The following SPOPL variants were observed in gnomAD, a reference collection of about 807,000 sequenced individuals.
SPOPL encodes the protein speckle type BTB/POZ protein like.
In SPOPL, 23 loss-of-function variants were observed where a neutral mutation model predicts 53.8. The ratio of observed to expected loss-of-function variants is 0.43; its 90% CI spans 0.31 to 0.61. SPOPL has a LOEUF of 0.61. Among genes scored for constraint, SPOPL ranks in the 20% least tolerant of loss-of-function variants. The probability of loss-of-function intolerance (pLI) is 0.12; values close to 1 mark genes in which losing one functional copy is unlikely to be tolerated. For synonymous variants in SPOPL, 164 were observed against 149.7 expected (o/e 1.10, Z -0.70); for missense variants, 442 against 466.9 (o/e 0.95, Z 0.49).
intron 8 of SPOPL, among the ~76,000 whole-genome samples, chr2:138,564,152 T>C (rs978537866): frequency 6.6e-6 from 1 of 152,152 alleles, no homozygotes; most frequent in Non-Finnish European, 1.5e-5. Context: ...TGAGGGACAA[T>C]TGGTATATTT....
At chr2:138,565,150 C>T in intron 10 of SPOPL, 157 bp downstream of exon 10, 2 of 896,342 alleles carry the variant, frequency 2.2e-6, no homozygotes, top group Non-Finnish European at 3.4e-6. Flanking sequence ...TAGTGGATTC[C>T]TGAGGCTATG....
At position 138,570,519 on chromosome 2, in the gene SPOPL, G is replaced by A. The variant is rs1217123761; in HGVS notation, c.*1439G>A. 2.0e-5 allele frequency: 3 copies of A among 152,140 alleles called. No individual in the cohort carries two copies. Among genetic ancestry groups the A allele is most frequent in the Non-Finnish European group, 4.4e-5 (3 of 68,010 alleles). The allele number at this position is 152,140 out of a possible 1,614,324, so 9.4% of individuals were successfully genotyped here. ...TCCTGGAGAAGCAGAAGCAGTCAGT[G>A]TTGGGGTACCACATCTGACTTACTG... is the stretch of plus-strand genomic sequence containing the variant. On this transcript the variant is annotated 3_prime_UTR_variant, in exon 11 of 11. Coordinates refer to ENST00000280098, the MANE Select transcript of SPOPL (RefSeq NM_001001664.3).
At chr2:138,538,624 T>G (rs1037725259) in intron 1 of SPOPL, among the ~76,000 whole-genome samples, 2 of 152,196 alleles carry the variant, frequency 1.3e-5, no homozygotes, top group Admixed American at 6.5e-5. Context: ...CTTTTCACAT[T>G]GCCTATCTGT....
intron 5 of SPOPL, 95 bp from the exon 6 acceptor site, chr2:138,558,927 A>G (rs1442001424): frequency 1.1e-5 from 11 of 1,044,628 alleles, no homozygotes; most frequent in Admixed American, 3.3e-5. Context: ...GAATTATCCA[A>G]ATAAGCTTAA....
chr2:138,505,894 T>C (rs1375059435), intron 1 of SPOPL, among the ~76,000 whole-genome samples: 1 of 152,170 alleles, frequency 6.6e-6, no homozygotes, highest in Non-Finnish European at 1.5e-5. Flanking sequence ...GACAGAAACC[T>C]AAAGGATGAA....
chr2:138,555,131 GGTGTGT>G (rs61000380), intron 5 of SPOPL, among the ~76,000 whole-genome samples: 22,083 of 140,096 alleles, frequency 0.16, 1,922 homozygotes, highest in African/African-American at 0.26. Flanking sequence ...AGGGTAGGAG[GGTGTGT>G]GTGTGTGTGT....
At chr2:138,506,749 T>C (rs900912938) in intron 1 of SPOPL, among the ~76,000 whole-genome samples, 1 of 152,078 alleles carries the variant, frequency 6.6e-6, no homozygotes, top group Non-Finnish European at 1.5e-5. Flanking sequence ...CTAGTAGCAA[T>C]TGGATGTATA....
chr2:138,516,368 A>T (rs532851365), intron 1 of SPOPL, among the ~76,000 whole-genome samples: 1 of 152,292 alleles, frequency 6.6e-6, no homozygotes, highest in Admixed American at 6.5e-5. Flanking sequence ...TGGTAATAAG[A>T]GATATTGAGG....
intron 10 of SPOPL, among the ~76,000 whole-genome samples, chr2:138,567,797 G>T (rs981130323): frequency 2.0e-5 from 3 of 152,106 alleles, no homozygotes; most frequent in Non-Finnish European, 2.9e-5. Flanking sequence ...ATTTTGAAGG[G>T]AGAATCTAAT....
At chr2:138,537,429 A>G (rs1036763627) in intron 1 of SPOPL, among the ~76,000 whole-genome samples, 2 of 152,130 alleles carry the variant, frequency 1.3e-5, no homozygotes, top group East Asian at 1.9e-4. Flanking sequence ...GCTTTTCCAT[A>G]CAGTGTCTGG....
intron 1 of SPOPL, among the ~76,000 whole-genome samples, chr2:138,538,547 T>A (rs924960970): frequency 8.5e-5 from 13 of 152,188 alleles, no homozygotes; most frequent in Non-Finnish European, 1.6e-4. Flanking sequence ...ATACCTTTTT[T>A]CATCCTTTCA....
intron 1 of SPOPL, among the ~76,000 whole-genome samples, chr2:138,518,456 T>G (rs1027810035): frequency 1.2e-4 from 18 of 152,136 alleles, no homozygotes; most frequent in African/African-American, 2.4e-5. Context: ...AATGAGAAAA[T>G]TAAGGGCCAG....
intron 1 of SPOPL, among the ~76,000 whole-genome samples, chr2:138,513,974 TTAAG>T (rs1684384674): frequency 6.6e-6 from 1 of 152,198 alleles, no homozygotes; most frequent in South Asian, 2.1e-4. Context: ...CTTTTTTATT[TTAAG>T]TAAACTTTTG....
rs972352044 is a variant in SPOPL, at chr2:138,501,846, G to C, written c.-334G>C. On this transcript the variant is annotated 5_prime_UTR_variant, in exon 1 of 11. Transcript: ENST00000280098. The stretch of plus-strand genomic sequence containing the variant: ...AGCCCAGACGGGCCCGCGGCGGGGG[G>C]GTGGGGGCTGCGCGGGGGCGGGAGT... 1 of 153,170 alleles carries C rather than the reference G, an allele frequency of 6.5e-6. No homozygotes were observed. Among genetic ancestry groups the C allele is most frequent in the Non-Finnish European group, 1.5e-5 (1 of 68,354 alleles). The allele number at this position is 153,170 out of a possible 1,614,324, so 9.5% of individuals were successfully genotyped here.
rs1233551401 is a variant in SPOPL, at chr2:138,572,425, T to C, written c.*3345T>C. ...AATTTTGTTCATAAATTTAAAATCTTAATCAGAATTCTTTATAAAATGTGG... is the reference window on the plus strand; with the variant it reads ...AATTTTGTTCATAAATTTAAAATCTCAATCAGAATTCTTTATAAAATGTGG... On this transcript the variant is annotated 3_prime_UTR_variant, in exon 11 of 11. Coordinates refer to ENST00000280098, the MANE Select transcript of SPOPL (RefSeq NM_001001664.3). The C allele has an allele frequency of 6.6e-6, 1 of 152,306 alleles. No individual in the cohort carries two copies. The highest frequency in any genetic ancestry group is 1.5e-5 in the Non-Finnish European group (1 of 68,000). 9.4% of individuals were successfully genotyped at this position (152,306 alleles called of 1,614,324 possible). A position where few individuals can be genotyped will look rare whatever the true frequency, so the allele number is the denominator to read the frequency against.
intron 1 of SPOPL, among the ~76,000 whole-genome samples, chr2:138,525,313 C>T (rs909289810): frequency 2.0e-5 from 3 of 152,122 alleles, no homozygotes; most frequent in South Asian, 2.1e-4. Flanking sequence ...CCCCATGACT[C>T]GTCTCCCATC....
At chr2:138,564,104 G>A (rs1685608753) in intron 8 of SPOPL, among the ~76,000 whole-genome samples, 1 of 152,210 alleles carries the variant, frequency 6.6e-6, no homozygotes, top group South Asian at 2.1e-4. Context: ...CTAGGGTGGG[G>A]CAAGAGGGAA....
chr2:138,565,197 G>A (rs181389753), intron 10 of SPOPL, among the ~76,000 whole-genome samples: 1 of 152,314 alleles, frequency 6.6e-6, no homozygotes, highest in Admixed American at 6.5e-5. Flanking sequence ...AACCTCGGAT[G>A]GATGCTGTAA....
Position 138,529,542 on chromosome 2 carries a change from G to A in SPOPL, c.-60-20615G>A, listed in dbSNP as rs774398443. On this transcript the variant is annotated intron_variant, in intron 1 of 10. Coordinates refer to ENST00000280098, the MANE Select transcript of SPOPL (RefSeq NM_001001664.3). ...TGTGTGTGTGTGTGTGTGTTTGCGT[G>A]CGCGCGCGCTTCTGCATTCTCCTTT... Among the ~76,000 whole-genome samples the A allele has an allele frequency of 1.4e-4, 20 of 147,730 alleles. No homozygotes were observed. The East Asian group carries it at 2.5e-3, about 18-fold the overall frequency.
Sources: allele counts gnomAD v4.1 joint callset (sites outside exome capture counted in the v4.1 genomes callset), GRCh38; gene constraint gnomAD v4.1.1; transcripts MANE v1.5; gene names NCBI Gene and HGNC (gene_info 2026-07-23, HGNC 2026-07-21).